The following NRG3 variants were observed in gnomAD, a reference collection of about 807,000 sequenced individuals.
NRG3 encodes pro-neuregulin-3, membrane-bound isoform.
NRG3 carries 31 observed loss-of-function variants against 66.9 expected under a neutral mutation model. That is an observed-to-expected ratio of 0.46 (90% CI 0.35 to 0.63). The LOEUF is 0.63. Ranked by LOEUF, NRG3 falls within the 20% of genes least tolerant of loss-of-function variation. The pLI is 0.00. For missense variants in NRG3, 910 were observed against 878.9 expected (o/e 1.04, Z -0.45); for synonymous variants, 393 against 359.4 (o/e 1.09, Z -1.06).
chr10:82,826,892 T>C (rs2062239079), intron 3 of NRG3, among the ~76,000 whole-genome samples: 1 of 151,924 alleles, frequency 6.6e-6, no homozygotes, highest in African/African-American at 2.4e-5. Context: ...CCTGCACATG[T>C]ACCCCCTGCA....
chr10:82,209,462 T>C (rs1446968544), intron 1 of NRG3, among the ~76,000 whole-genome samples: 2 of 152,212 alleles, frequency 1.3e-5, no homozygotes. Flanking sequence ...CATCTATGTA[T>C]AAGTAGAATT....
At chr10:82,830,198 A>G (rs541314387) in intron 3 of NRG3, among the ~76,000 whole-genome samples, 1 of 152,296 alleles carries the variant, frequency 6.6e-6, no homozygotes, top group Admixed American at 6.5e-5. Flanking sequence ...GAATAGTCCT[A>G]ATCGGTTTAA....
intron 1 of NRG3, among the ~76,000 whole-genome samples, chr10:81,903,107 A>T (rs951700162): frequency 1.2e-4 from 18 of 152,016 alleles, no homozygotes; most frequent in African/African-American, 4.3e-4. Flanking sequence ...TGATTTAAAA[A>T]TCTCTGTTCC....
chr10:82,309,494 C>T (rs1447541078), intron 1 of NRG3, among the ~76,000 whole-genome samples: 1 of 151,904 alleles, frequency 6.6e-6, no homozygotes, highest in African/African-American at 2.4e-5. Flanking sequence ...TTTACAGTCT[C>T]TTAAGAAGCC....
intron 1 of NRG3, among the ~76,000 whole-genome samples, chr10:82,059,379 T>C (rs1264948303): frequency 6.6e-6 from 1 of 152,042 alleles, no homozygotes; most frequent in African/African-American, 2.4e-5. Flanking sequence ...TATTTCAGGG[T>C]GAATGGCCAG....
At chr10:82,670,087 G>A (rs1221476011) in intron 2 of NRG3, among the ~76,000 whole-genome samples, 3 of 152,000 alleles carry the variant, frequency 2.0e-5, no homozygotes, top group African/African-American at 7.3e-5. Flanking sequence ...TTCTTAAGTC[G>A]GTCAAGATGA....
chr10:82,259,941 AAC>A (rs1491039933), intron 1 of NRG3, among the ~76,000 whole-genome samples: 8 of 131,000 alleles, frequency 6.1e-5, no homozygotes, highest in African/African-American at 1.6e-4. Context: ...CTATTAAAAA[AAC>A]AAAACAAAAC....
intron 1 of NRG3, among the ~76,000 whole-genome samples, chr10:81,908,337 C>A (rs948533570): frequency 3.9e-5 from 6 of 152,142 alleles, no homozygotes; most frequent in African/African-American, 1.4e-4. Flanking sequence ...GTAAAGTTGA[C>A]TAAGACATTC....
At chr10:82,199,216 A>G (rs2074635268) in intron 1 of NRG3, among the ~76,000 whole-genome samples, 1 of 151,882 alleles carries the variant, frequency 6.6e-6, no homozygotes, top group African/African-American at 2.4e-5. Flanking sequence ...TCAAGTAACA[A>G]TAACTAAGAG....
intron 1 of NRG3, among the ~76,000 whole-genome samples, chr10:82,281,927 G>C (rs1444902509): frequency 6.6e-6 from 1 of 152,096 alleles, no homozygotes; most frequent in African/African-American, 2.4e-5. Context: ...CTATTTGTTG[G>C]ATTTCTTCTG....
At chr10:82,153,801 C>T (rs576019905) in intron 1 of NRG3, among the ~76,000 whole-genome samples, 1 of 152,042 alleles carries the variant, frequency 6.6e-6, no homozygotes, top group Admixed American at 6.6e-5. Flanking sequence ...ATTTGTATTT[C>T]CCTGACAATT....
At chr10:82,971,643 G>A (rs763088821) in intron 6 of NRG3, among the ~76,000 whole-genome samples, 2 of 151,928 alleles carry the variant, frequency 1.3e-5, no homozygotes, top group African/African-American at 2.4e-5. Flanking sequence ...CACCATGTTT[G>A]CCAGGCTGGT....
At chr10:82,079,705 G>A (rs1363491010) in intron 1 of NRG3, among the ~76,000 whole-genome samples, 1 of 152,158 alleles carries the variant, frequency 6.6e-6, no homozygotes, top group Non-Finnish European at 1.5e-5. Flanking sequence ...GGAAGTCAGA[G>A]TTGGATTTCT....
intron 6 of NRG3, among the ~76,000 whole-genome samples, chr10:82,963,238 A>C (rs1344150111): frequency 6.6e-6 from 1 of 152,232 alleles, no homozygotes; most frequent in Non-Finnish European, 1.5e-5. Flanking sequence ...GGCAAACTTA[A>C]TATAAATAGA....
At chr10:81,968,460 G>T (rs758227729) in intron 1 of NRG3, among the ~76,000 whole-genome samples, 32 of 152,160 alleles carry the variant, frequency 2.1e-4, no homozygotes, top group Non-Finnish European at 2.2e-4. Flanking sequence ...GTGAGAAAGT[G>T]AGATGTCACC....
At chr10:82,339,666 A>G (rs1342039004) in intron 1 of NRG3, among the ~76,000 whole-genome samples, 3 of 152,136 alleles carry the variant, frequency 2.0e-5, no homozygotes, top group Non-Finnish European at 1.5e-5. Flanking sequence ...ATTTTTTTTA[A>G]AGTTTGAACA....
chr10:82,274,041 G>T (rs1054515247), intron 1 of NRG3, among the ~76,000 whole-genome samples: 2 of 151,866 alleles, frequency 1.3e-5, no homozygotes, highest in Non-Finnish European at 2.9e-5. Context: ...ATCCAGTTGC[G>T]CCTGCCTCAT....
chr10:82,152,713 A>G (rs1457878660), intron 1 of NRG3, among the ~76,000 whole-genome samples: 1 of 6,380 alleles, frequency 1.6e-4, no homozygotes, highest in Non-Finnish European at 2.6e-4. Flanking sequence ...CATATATGGA[A>G]AATGCCATAT....
At chr10:82,083,942 T>C in intron 1 of NRG3, among the ~76,000 whole-genome samples, 1 of 151,872 alleles carries the variant, frequency 6.6e-6, no homozygotes, top group South Asian at 2.1e-4. Flanking sequence ...AATGACACAT[T>C]TATGGCTGGG....
Sources: gnomAD v4.1 joint callset for allele counts (sites outside exome capture counted in the v4.1 genomes callset) on GRCh38, gnomAD v4.1.1 for gene constraint, MANE v1.5 for transcripts, NCBI Gene and HGNC (gene_info 2026-07-23, HGNC 2026-07-21) for gene names.